The following MYO9A variants were observed in gnomAD, a reference collection of about 807,000 sequenced individuals.
MYO9A encodes myosin IXA, also known as unconventional myosin-IXa.
A neutral mutation model predicts 293.3 loss-of-function variants in MYO9A; 103 were observed. The ratio of observed to expected loss-of-function variants is 0.35; its 90% CI spans 0.30 to 0.41. The LOEUF (loss-of-function observed/expected upper bound fraction) is 0.41, where lower values mean the gene tolerates loss of function less well. Among genes scored for constraint, MYO9A ranks in the 10% least tolerant of loss-of-function variants. The pLI, the probability that MYO9A is intolerant of heterozygous loss-of-function variation, is 1.00. For missense variants in MYO9A, 2,685 were observed against 3,033.0 expected, an observed-to-expected ratio of 0.89 and a Z score of 2.69; for synonymous variants, 1,001 against 1,035.7, an observed-to-expected ratio of 0.97 and a Z score of 0.64.
At chr15:71,892,858 T>C (rs1468866887) in intron 26 of MYO9A, 10 of 668,948 alleles carry the variant, frequency 1.5e-5, no homozygotes, top group South Asian at 1.4e-4. Flanking sequence ...AGGTTTCCCA[T>C]GCACAAACCA....
chr15:72,050,562 A>G (rs1455845306), intron 1 of MYO9A, among the ~76,000 whole-genome samples: 1 of 152,144 alleles, frequency 6.6e-6, no homozygotes, highest in Non-Finnish European at 1.5e-5. Flanking sequence ...AGCCAAGATC[A>G]TGCCACTGCA....
Position 71,916,487 on chromosome 15 carries a change from C to G in MYO9A, c.2568G>C (p.Leu856Phe). The G allele has an allele frequency of 6.2e-7, 1 of 1,602,038 alleles. No individual in the cohort carries two copies. Among genetic ancestry groups the G allele is most frequent in the Non-Finnish European group, 8.5e-7 (1 of 1,176,814 alleles). ...FKSKPALPKHLLEVNSLKHLT... is the reference protein window; with the variant it reads ...FKSKPALPKHFLEVNSLKHLT... ...GGTGCTTTAAAGAATTTACTTCTAG[C>G]AAGTGCTGAAAGAAGAGAAAAAATA... The change falls in exon 19 of 42, where the codon TTG (leucine) becomes TTC (phenylalanine). Residue 856 changes from leucine (L) to phenylalanine (F), a missense_variant. Around this residue, in one of 10 missense-constraint regions of MYO9A, gnomAD observed 1,434 missense variants for 1,497.7 expected, o/e 0.96. Transcript: ENST00000356056.
chr15:72,053,133 C>T (rs1262279744), intron 1 of MYO9A, among the ~76,000 whole-genome samples: 1 of 152,164 alleles, frequency 6.6e-6, no homozygotes, highest in Admixed American at 6.5e-5. Flanking sequence ...GGCCTGGTGG[C>T]TCACGCCTAT....
chr15:71,906,590 CTT>C (rs1394442148), intron 19 of MYO9A, among the ~76,000 whole-genome samples: 1 of 151,912 alleles, frequency 6.6e-6, no homozygotes, highest in Non-Finnish European at 1.5e-5. Context: ...CTGAAGTCTA[CTT>C]TGTCTGACTC....
chr15:72,107,205 A>G (rs984842582), intron 1 of MYO9A, among the ~76,000 whole-genome samples: 1 of 152,172 alleles, frequency 6.6e-6, no homozygotes, highest in Non-Finnish European at 1.5e-5. Context: ...AAGAGCCTCA[A>G]TGACAGCCCA....
intron 1 of MYO9A, among the ~76,000 whole-genome samples, chr15:72,086,764 T>TG (rs113151232): frequency 7.2e-6 from 1 of 138,928 alleles, no homozygotes; most frequent in Non-Finnish European, 1.6e-5. Context: ...TTTTGTTGTT[T>TG]TTGTTGTTGT....
intron 16 of MYO9A, among the ~76,000 whole-genome samples, chr15:71,935,942 C>T (rs541169405): frequency 6.6e-6 from 1 of 151,188 alleles, no homozygotes; most frequent in Admixed American, 6.6e-5. Flanking sequence ...TCACTACTCA[C>T]ACACCCATTA....
At chr15:72,099,421 C>CA (rs1567038096) in intron 1 of MYO9A, among the ~76,000 whole-genome samples, 2 of 129,900 alleles carry the variant, frequency 1.5e-5, no homozygotes, top group South Asian at 2.5e-4. Context: ...AGACCCTGCC[C>CA]CAAAAAAAAA....
At chr15:71,911,098 C>A (rs1218202746) in intron 19 of MYO9A, among the ~76,000 whole-genome samples, 1 of 152,110 alleles carries the variant, frequency 6.6e-6, no homozygotes, top group African/African-American at 2.4e-5. Context: ...GAGAAGCAGC[C>A]CCAGGCAACT....
At chr15:71,925,358 TATATATAC>T (rs1567278801) in intron 18 of MYO9A, among the ~76,000 whole-genome samples, 1 of 150,054 alleles carries the variant, frequency 6.7e-6, no homozygotes, top group East Asian at 1.9e-4. Context: ...TACTTACATG[TATATATAC>T]ATATATACGT....
chr15:71,964,612 T>C (rs1254948679), intron 13 of MYO9A, among the ~76,000 whole-genome samples: 1 of 81,142 alleles, frequency 1.2e-5, no homozygotes, highest in Non-Finnish European at 2.4e-5. Context: ...ACACCCCATC[T>C]CTACTAAAAA....
chr15:72,076,750 T>C (rs2079365391), intron 1 of MYO9A, among the ~76,000 whole-genome samples: 1 of 152,094 alleles, frequency 6.6e-6, no homozygotes, highest in Admixed American at 6.5e-5. Context: ...ACTTATATCG[T>C]TTATATGGAA....
intron 1 of MYO9A, among the ~76,000 whole-genome samples, chr15:72,103,504 G>GCA (rs2080459244): frequency 6.9e-6 from 1 of 145,484 alleles, no homozygotes; most frequent in African/African-American, 2.5e-5. Flanking sequence ...CAGAAGCAGT[G>GCA]GCAGCAGAAG....
intron 10 of MYO9A, among the ~76,000 whole-genome samples, chr15:71,992,881 T>C (rs1377468889): frequency 3.3e-5 from 5 of 151,554 alleles, no homozygotes; most frequent in Non-Finnish European, 5.9e-5. Flanking sequence ...AAAATACATA[T>C]ACAAAATGCA....
chr15:72,046,616 C>G lies in MYO9A; in HGVS notation c.-53G>C, dbSNP rs2078392692. 2.1e-6 allele frequency: 3 copies of G among 1,459,766 alleles called. No individual in the cohort carries two copies. The highest frequency in any genetic ancestry group is 1.8e-6 in the Non-Finnish European group (2 of 1,104,200). 90.4% of individuals were successfully genotyped at this position (1,459,766 alleles called of 1,614,324 possible). A position where few individuals can be genotyped will look rare whatever the true frequency, so the allele number is the denominator to read the frequency against. The stretch of plus-strand genomic sequence containing the variant: ...AGTATATGTTCAAAGTCGTGCAAAC[C>G]ATTTTCTTGGTAAAATAACTGTAAC... On this transcript the variant is annotated 5_prime_UTR_variant, in exon 2 of 42. The change abolishes an upstream ATG in the 5' untranslated region. Coordinates refer to ENST00000356056, the MANE Select transcript of MYO9A (RefSeq NM_006901.4).
intron 19 of MYO9A, among the ~76,000 whole-genome samples, chr15:71,912,205 AC>A (rs1175786288): frequency 1.3e-5 from 2 of 152,034 alleles, no homozygotes; most frequent in East Asian, 1.9e-4. Context: ...TTTCTACCTC[AC>A]AATATACTAT....
intron 1 of MYO9A, among the ~76,000 whole-genome samples, chr15:72,107,552 C>T (rs1175663464): frequency 6.6e-6 from 1 of 151,400 alleles, no homozygotes; most frequent in East Asian, 2.0e-4. Flanking sequence ...TTGCCCCTCC[C>T]CTCCAAAAAA....
intron 40 of MYO9A, among the ~76,000 whole-genome samples, chr15:71,828,849 T>C (rs757827670): frequency 3.6e-4 from 55 of 152,220 alleles, no homozygotes; most frequent in Admixed American, 2.4e-3. Flanking sequence ...ATCCTGGAGC[T>C]TGTCATTACT....
intron 26 of MYO9A, chr15:71,889,874 C>CT (rs1276894574): frequency 6.6e-6 from 1 of 152,068 alleles, no homozygotes; most frequent in Non-Finnish European, 1.5e-5. Context: ...CTGGTCCTGA[C>CT]TTTTTTTAGA....
Sources: gnomAD v4.1 joint callset for allele counts (sites outside exome capture counted in the v4.1 genomes callset) on GRCh38, gnomAD v4.1.1 for gene constraint, gnomAD v4.1.1 regional missense constraint, MANE v1.5 for transcripts, NCBI Gene and HGNC (gene_info 2026-07-23, HGNC 2026-07-21) for gene names.